Variants in NRG1 observed in about 807,000 individuals in gnomAD.
The protein encoded by NRG1 is pro-neuregulin-1, membrane-bound isoform.
In NRG1, 18 loss-of-function variants were observed where a neutral mutation model predicts 63.8. The ratio of observed to expected loss-of-function variants is 0.28; its 90% CI spans 0.19 to 0.42. The LOEUF (loss-of-function observed/expected upper bound fraction) is 0.42, where lower values mean the gene tolerates loss of function less well. Among genes scored for constraint, NRG1 ranks in the 10% least tolerant of loss-of-function variants. NRG1 has a pLI of 1.00. For synonymous variants in NRG1, 302 were observed against 301.3 expected (o/e 1.00, Z -0.02); for missense variants, 762 against 814.7 (o/e 0.94, Z 0.79).
intron 1 of NRG1, among the ~76,000 whole-genome samples, chr8:31,704,637 C>A (rs1810947456): frequency 6.6e-6 from 1 of 151,880 alleles, no homozygotes; most frequent in Admixed American, 6.6e-5. Flanking sequence ...TCGAGACCAT[C>A]CTGGCTAACA....
chr8:32,698,391 A>G (rs989343517), intron 5 of NRG1, among the ~76,000 whole-genome samples: 1 of 152,204 alleles, frequency 6.6e-6, no homozygotes, highest in Admixed American at 6.5e-5. Context: ...AGTTCATTAC[A>G]GGAGAGTCAT....
At chr8:31,725,538 CT>C (rs1366372232) in intron 1 of NRG1, among the ~76,000 whole-genome samples, 8 of 152,080 alleles carry the variant, frequency 5.3e-5, no homozygotes, top group African/African-American at 1.9e-4. Flanking sequence ...GCACAGCATT[CT>C]GGATCTTGGC....
At chr8:32,424,736 G>A (rs1246151493) in intron 1 of NRG1, among the ~76,000 whole-genome samples, 1 of 152,054 alleles carries the variant, frequency 6.6e-6, no homozygotes, top group African/African-American at 2.4e-5. Flanking sequence ...GCATGGTGGT[G>A]CATTCCTGTA....
chr8:32,199,272 C>T (rs1402121116), intron 1 of NRG1, among the ~76,000 whole-genome samples: 2 of 152,090 alleles, frequency 1.3e-5, no homozygotes, highest in Non-Finnish European at 2.9e-5. Context: ...ATACTTTCTG[C>T]TTTCATTCCC....
At chr8:32,457,329 G>A (rs1202091710) in intron 1 of NRG1, among the ~76,000 whole-genome samples, 1 of 152,090 alleles carries the variant, frequency 6.6e-6, no homozygotes, top group Non-Finnish European at 1.5e-5. Context: ...CCACATGAAG[G>A]ATGGTGTCCA....
At chr8:32,685,198 C>G (rs1334802585) in intron 5 of NRG1, among the ~76,000 whole-genome samples, 1 of 152,160 alleles carries the variant, frequency 6.6e-6, no homozygotes, top group Non-Finnish European at 1.5e-5. Flanking sequence ...TCTAGACAAA[C>G]TAAAATAGGA....
At chr8:32,626,409 G>A (rs186454222) in intron 5 of NRG1, among the ~76,000 whole-genome samples, 20 of 150,992 alleles carry the variant, frequency 1.3e-4, no homozygotes, top group Admixed American at 9.9e-4. Context: ...AGCCGGGTGC[G>A]GTGGCTCACA....
chr8:31,680,971 A>T (rs1219888036), intron 1 of NRG1, among the ~76,000 whole-genome samples: 2 of 152,130 alleles, frequency 1.3e-5, no homozygotes, highest in Non-Finnish European at 2.9e-5. Context: ...TATAGTATTG[A>T]GTAGAAAAAG....
chr8:32,500,969 G>A (rs917083697), intron 1 of NRG1, among the ~76,000 whole-genome samples: 13 of 152,176 alleles, frequency 8.5e-5, no homozygotes, highest in African/African-American at 3.1e-4. Flanking sequence ...TGTGTCCAGT[G>A]TTATAATCTT....
intron 1 of NRG1, among the ~76,000 whole-genome samples, chr8:31,967,819 C>T (rs1806610630): frequency 6.6e-6 from 1 of 152,190 alleles, no homozygotes; most frequent in African/African-American, 2.4e-5. Context: ...AAAAGTGCAG[C>T]CACTTCTGTG....
intron 1 of NRG1, among the ~76,000 whole-genome samples, chr8:32,383,784 C>A (rs1472516831): frequency 6.6e-6 from 1 of 152,200 alleles, no homozygotes; most frequent in Non-Finnish European, 1.5e-5. Flanking sequence ...ACAGTGCAGA[C>A]TAGAGGAAAG....
chr8:32,557,894 CT>C (rs1384646320), intron 1 of NRG1, among the ~76,000 whole-genome samples: 1 of 152,038 alleles, frequency 6.6e-6, no homozygotes, highest in African/African-American at 2.4e-5. Flanking sequence ...TTTTTCTTTT[CT>C]TTTTTTGAAA....
intron 1 of NRG1, among the ~76,000 whole-genome samples, chr8:32,094,853 AT>A (rs1422265313): frequency 3.3e-5 from 5 of 150,136 alleles, no homozygotes; most frequent in Admixed American, 6.6e-5. Flanking sequence ...GAAAAAAAAA[AT>A]AGCCCAGGAT....
chr8:32,653,107 T>C (rs987725859), intron 5 of NRG1, among the ~76,000 whole-genome samples: 1 of 127,252 alleles, frequency 7.9e-6, no homozygotes, highest in African/African-American at 2.6e-5. Context: ...GTTTTTCTTC[T>C]ATTATTTCCT....
chr8:32,100,548 T>A (rs1830437849), intron 1 of NRG1, among the ~76,000 whole-genome samples: 1 of 151,760 alleles, frequency 6.6e-6, no homozygotes, highest in South Asian at 2.1e-4. Context: ...CAATACTTTT[T>A]TTTTTTATAA....
chr8:32,609,564 T>TCCC lies in NRG1; in HGVS notation c.400+3881_400+3882insCCC, dbSNP rs1563760486. Among the ~76,000 whole-genome samples the TCCC allele has an allele frequency of 2.4e-3, 186 of 77,226 alleles. 3 individuals are homozygous for TCCC. The highest frequency in any genetic ancestry group is 0.012 in the African/African-American group (176 of 14,826). The allele number at this position is 77,226 out of a possible 152,430, so 50.7% of individuals were successfully genotyped here. Reference sequence around the variant, plus strand: ...TTTCCTTCCCTCCCTCCTTCCTTCCTTCCTTCCTTCCTTCCTTCCTTCCTT... The same window carrying TCCC: ...TTTCCTTCCCTCCCTCCTTCCTTCCTCCCTCCTTCCTTCCTTCCTTCCTTCCTT... On this transcript the variant is annotated intron_variant, in intron 3 of 11. Transcript: ENST00000356819.
chr8:32,378,300 T>C (rs996137456), intron 1 of NRG1, among the ~76,000 whole-genome samples: 3 of 152,170 alleles, frequency 2.0e-5, no homozygotes, highest in Non-Finnish European at 4.4e-5. Flanking sequence ...CTGTGCATTG[T>C]ACAGGACTTT....
intron 1 of NRG1, among the ~76,000 whole-genome samples, chr8:32,479,801 C>A (rs1010851633): frequency 6.6e-6 from 1 of 152,042 alleles, no homozygotes; most frequent in Admixed American, 6.6e-5. Context: ...AGGCATGCAT[C>A]ACCATGCCCA....
chr8:32,532,352 C>CT (rs2129518171), intron 1 of NRG1, among the ~76,000 whole-genome samples: 1 of 152,260 alleles, frequency 6.6e-6, no homozygotes, highest in Admixed American at 6.5e-5. Flanking sequence ...TTTCAAAATA[C>CT]TTTTTTCCAA....
Sources: allele counts gnomAD v4.1 joint callset (sites outside exome capture counted in the v4.1 genomes callset), GRCh38; gene constraint gnomAD v4.1.1; transcripts MANE v1.5; gene names NCBI Gene and HGNC (gene_info 2026-07-23, HGNC 2026-07-21).